Variants in SIAE observed in about 807,000 individuals in gnomAD.
The protein encoded by SIAE is sialate O-acetylesterase.
Under a neutral mutation model 52.6 loss-of-function variants are expected in SIAE, and 39 were observed. The observed-to-expected ratio is 0.74, with a 90% confidence interval of 0.57 to 0.97. SIAE has a LOEUF of 0.97. Ranked by LOEUF, SIAE falls within the 50% of genes least tolerant of loss-of-function variation. The pLI is 0.00. For missense variants in SIAE, 592 were observed against 662.1 expected (o/e 0.89, Z 1.16); for synonymous variants, 233 against 241.4 (o/e 0.97, Z 0.32).
intron 2 of SIAE, among the ~76,000 whole-genome samples, chr11:124,666,926 T>C (rs919212330): frequency 6.6e-6 from 1 of 152,192 alleles, no homozygotes; most frequent in Non-Finnish European, 1.5e-5. Context: ...TCATTCCACC[T>C]AGCCTCCTGC....
chr11:124,673,765 G>C, upstream of SIAE: 2 of 1,588,404 alleles, frequency 1.3e-6, no homozygotes, highest in Non-Finnish European at 1.7e-6. Context: ...CGGCAGGGGC[G>C]GGGCCTGGGC....
In SIAE at chr11:124,645,421, C is replaced by T. The variant is rs1942917358; in HGVS notation, c.966+1944G>A. 6.6e-6 allele frequency among the ~76,000 whole-genome samples: 1 copy of T among 151,982 alleles called. No individual in the cohort carries two copies. Among genetic ancestry groups the T allele is most frequent in the African/African-American group, 2.4e-5 (1 of 41,404 alleles). ...GGTTCAAGCGATTCTCCTGCCTCAG[C>T]CTCCAGAGTAGCTGGGATTACAGGG... On this transcript the variant is annotated intron_variant, in intron 7 of 9. Transcript: ENST00000263593. This position sits in a 1 kb window ranked among gnomAD's most constrained non-coding sequence, Gnocchi z 4.7.
chr11:124,647,987 A>T, intron 6 of SIAE, 79 bp downstream of exon 6: 2 of 1,094,414 alleles, frequency 1.8e-6, no homozygotes, highest in South Asian at 2.5e-5. Context: ...TGTTGCTTTA[A>T]GCCACTACGT....
chr11:124,662,762 CT>C (rs1387570024), intron 2 of SIAE, among the ~76,000 whole-genome samples: 2 of 152,222 alleles, frequency 1.3e-5, no homozygotes, highest in African/African-American at 4.8e-5. Context: ...CTCCTTCCAA[CT>C]TCCTCAAAGA....
chr11:124,653,027 T>G (rs1417220017), intron 4 of SIAE, among the ~76,000 whole-genome samples: 2 of 152,176 alleles, frequency 1.3e-5, no homozygotes, highest in African/African-American at 4.8e-5. Flanking sequence ...GTCCTGAGTT[T>G]TGGATACCAT....
rs1943173851 is a variant in SIAE at position 124,660,698 on chromosome 11, A to T, written c.335T>A (p.Val112Asp). The change falls in exon 3 of 10, where the codon GTT (valine) becomes GAT (aspartate). Residue 112 changes from valine (V) to aspartate (D), a missense_variant. By Grantham distance (152) the Val-to-Asp change is radical (BLOSUM62 -3). Transcript: ENST00000263593. ...GACATCTCCAAACAGGACGTCATGA[A>T]CTCTCAGGGTGAAGTTTATTTTCTC... is the stretch of plus-strand genomic sequence containing the variant. ...TLEKINFTLR[V>D]HDVLFGDVWL... is the part of the protein sequence containing the mutation. 1 of 1,614,010 alleles carries T rather than the reference A, an allele frequency of 6.2e-7. No homozygotes were observed. Among genetic ancestry groups the T allele is most frequent in the Non-Finnish European group, 8.5e-7 (1 of 1,180,032 alleles).
At position 124,637,042 on chromosome 11, in the gene SIAE, A is replaced by AG. The variant is rs746946002; in HGVS notation, c.1480dup (p.Leu494ProfsTer6). 4 of 1,614,064 alleles carry AG rather than the reference A, an allele frequency of 2.5e-6. No homozygotes were observed. The highest frequency in any genetic ancestry group is 3.3e-5 in the Admixed American group (2 of 59,996). ...TGGCAGGGCACTACTGGGGTGGTAT[A>AG]GGGGACACTGCTTATATTCACAAGG... On this transcript the variant is annotated frameshift_variant, in exon 10 of 10. Transcript: ENST00000263593. LOFTEE classifies it low-confidence loss of function (END_TRUNC).
In SIAE at chr11:124,673,647, C is replaced by T; in HGVS notation, c.62G>A (p.Ser21Asn). The T allele has an allele frequency of 6.2e-7, 1 of 1,613,564 alleles. No individual in the cohort carries two copies. The highest frequency in any genetic ancestry group is 1.7e-5 in the Admixed American group (1 of 60,002). Residue 21 changes from serine (S) to asparagine (N), a missense_variant, in exon 1 of 10, where the codon AGT becomes AAT. By Grantham distance (46) the Ser-to-Asn change is conservative. Transcript: ENST00000263593. ...GCCGAGCCGGGCCGCCTCACCTGCA[C>T]TTCTGTCGGCCCACAGGATTAATGG... ...VLPLILWADR[S>N]AGIGFRFASY... is the part of the protein sequence containing the mutation.
intron 8 of SIAE, among the ~76,000 whole-genome samples, chr11:124,639,495 C>G (rs1377941691): frequency 1.3e-5 from 2 of 152,168 alleles, no homozygotes; most frequent in African/African-American, 4.8e-5. Flanking sequence ...CTCTGTTGAC[C>G]TTCTTTTAAC....
At chr11:124,673,303 C>T (rs775036426) in intron 1 of SIAE, among the ~76,000 whole-genome samples, 1 of 152,206 alleles carries the variant, frequency 6.6e-6, no homozygotes, top group Non-Finnish European at 1.5e-5. Flanking sequence ...CTAGCTTCGC[C>T]TCCTTCCCTC....
chr11:124,648,968 T>C (rs1367764537), intron 5 of SIAE, among the ~76,000 whole-genome samples: 2 of 152,236 alleles, frequency 1.3e-5, no homozygotes, highest in Non-Finnish European at 2.9e-5. Context: ...TGAAAGCAAG[T>C]CACATACTGC....
chr11:124,639,857 T>C lies in SIAE; in HGVS notation c.977A>G (p.Asp326Gly). The change falls in exon 8 of 10, where the codon GAT (aspartate) becomes GGT (glycine). Residue 326 changes from aspartate (D) to glycine (G), a missense_variant. Asp to Gly is a moderately conservative substitution (Grantham distance 94). Coordinates refer to ENST00000263593, the MANE Select transcript of SIAE (RefSeq NM_170601.5). ...FPFGLVQLSS[D>G]LSKKSSDDGF... ...ATCGTCTGAGCTCTTCTTAGACAAA[T>C]CTGAAGATAACTAGAAAGCAGAGAC... is the stretch of plus-strand genomic sequence containing the variant. 2 of 1,614,166 alleles carry C rather than the reference T, an allele frequency of 1.2e-6. No individual in the cohort carries two copies. Among genetic ancestry groups the C allele is most frequent in the South Asian group, 1.1e-5 (1 of 91,090 alleles).
chr11:124,636,886 A>AACTC lies in SIAE; in HGVS notation c.*61_*64dup, dbSNP rs535583932. On this transcript the variant is annotated 3_prime_UTR_variant, in exon 10 of 10. Transcript: ENST00000263593. Reference sequence around the variant, plus strand: ...CTTTAAAAGCAATGGTTATTATTGAAACTCCTAAATGCTAAAATCTGAAGG... The same window carrying AACTC: ...CTTTAAAAGCAATGGTTATTATTGAAACTCACTCCTAAATGCTAAAATCTGAAGG... The AACTC allele has an allele frequency of 2.7e-4, 436 of 1,608,372 alleles. 7 individuals carry two copies. The South Asian group carries it at 3.5e-3, about 13-fold the overall frequency.
intron 8 of SIAE, 121 bp from the exon 9 acceptor site, chr11:124,638,858 T>A: frequency 3.9e-6 from 3 of 772,316 alleles, no homozygotes; most frequent in Non-Finnish European, 6.5e-6. Context: ...GACTGAACTC[T>A]GTGATCAGTG....
Position 124,645,780 on chromosome 11 carries a change from C to CA in SIAE, c.966+1584dup, listed in dbSNP as rs1591386053. On this transcript the variant is annotated intron_variant, in intron 7 of 9. Transcript: ENST00000263593. This position sits in a 1 kb window ranked among gnomAD's most constrained non-coding sequence, Gnocchi z 4.7. ...ACCAACAGGGATGCAGAACTGGTGA[C>CA]AGGAGCTGCTACTTTGAAAATAATG... Among the ~76,000 whole-genome samples, 1 of 152,182 alleles carries CA rather than the reference C, an allele frequency of 6.6e-6. No individual in the cohort carries two copies. Among genetic ancestry groups the CA allele is most frequent in the African/African-American group, 2.4e-5 (1 of 41,426 alleles).
intron 2 of SIAE, among the ~76,000 whole-genome samples, chr11:124,666,602 C>CATG (rs1318195270): frequency 3.9e-5 from 6 of 152,190 alleles, no homozygotes; most frequent in Admixed American, 3.3e-4. Flanking sequence ...CATCAGTATC[C>CATG]ATGAATCACT....
rs1555095495 is a variant in SIAE at position 124,638,770 on chromosome 11, G to A, written c.1125-33C>T. The A allele has an allele frequency of 3.2e-6, 5 of 1,578,212 alleles. No individual in the cohort carries two copies. The South Asian group carries it at 4.4e-5, about 14-fold the overall frequency. Reference sequence around the variant, plus strand: ...ATAAGGAACAAGTAGAGAACTTTGGGTTTAAGCTCAACAATCACCACATTT... The same window carrying A: ...ATAAGGAACAAGTAGAGAACTTTGGATTTAAGCTCAACAATCACCACATTT... On this transcript the variant is annotated intron_variant, in intron 8 of 9. Coordinates refer to ENST00000263593, the MANE Select transcript of SIAE (RefSeq NM_170601.5).
chr11:124,643,289 G>A (rs377056525), intron 7 of SIAE, among the ~76,000 whole-genome samples: 1 of 152,256 alleles, frequency 6.6e-6, no homozygotes, highest in East Asian at 1.9e-4. Context: ...AGAATTAGAA[G>A]GTGAGGTCGG....
intron 1 of SIAE, among the ~76,000 whole-genome samples, chr11:124,673,396 T>G (rs1943401874): frequency 6.6e-6 from 1 of 152,200 alleles, no homozygotes; most frequent in Non-Finnish European, 1.5e-5. Context: ...AAGCCGCACT[T>G]TCTCCCTGCT....
Sources: gnomAD v4.1 joint callset for allele counts (sites outside exome capture counted in the v4.1 genomes callset) on GRCh38, gnomAD v4.1.1 for gene constraint, Gnocchi (gnomAD v3.1) non-coding constraint, MANE v1.5 for transcripts, NCBI Gene and HGNC (gene_info 2026-07-23, HGNC 2026-07-21) for gene names.